The following PURG variants were observed in gnomAD, a reference collection of about 807,000 sequenced individuals.
The protein encoded by PURG is purine rich element binding protein G.
PURG carries 3 observed loss-of-function variants against 24.3 expected under a neutral mutation model. That is an observed-to-expected ratio of 0.12 (90% CI 0.06 to 0.32). PURG has a LOEUF of 0.32. Among genes scored for constraint, PURG ranks in the 10% least tolerant of loss-of-function variants. The pLI is 1.00. For synonymous variants in PURG, 180 were observed against 173.1 expected (o/e 1.04, Z -0.31); for missense variants, 371 against 439.1 (o/e 0.84, Z 1.39).
chr8:30,998,648 T>G (rs1281415953), intron 1 of PURG, among the ~76,000 whole-genome samples: 1 of 151,832 alleles, frequency 6.6e-6, no homozygotes, highest in Non-Finnish European at 1.5e-5. Context: ...GAATTCATTT[T>G]GTGGGGAAAG....
In PURG at chr8:31,031,129, A is replaced by T. The variant is rs1811191397; in HGVS notation, c.*610T>A. 1 of 152,616 alleles carries T rather than the reference A, an allele frequency of 6.6e-6. No individual in the cohort carries two copies. Among genetic ancestry groups the T allele is most frequent in the African/African-American group, 2.4e-5 (1 of 41,450 alleles). The allele number at this position is 152,616 out of a possible 1,614,324, so 9.5% of individuals were successfully genotyped here. A position where few individuals can be genotyped will look rare whatever the true frequency, so the allele number is the denominator to read the frequency against. The stretch of plus-strand genomic sequence containing the variant: ...AATGTAGGGTTACCACAAAGTTTGA[A>T]ATTATAGAATACTATAGTATTCTTA... On this transcript the variant is annotated 3_prime_UTR_variant, in exon 2 of 2. Transcript: ENST00000523392.
In PURG at chr8:31,017,247, G is replaced by A. The variant is rs567915335; in HGVS notation, c.864+14672C>T. On this transcript the variant is annotated intron_variant, in intron 1 of 1. Transcript: ENST00000339382. ...CAGCCAATCAATTGCAAATACAAGC[G>A]AGATGAAACCCATTTACCACTACTT... Among the ~76,000 whole-genome samples, 14 of 152,148 alleles carry A rather than the reference G, an allele frequency of 9.2e-5. No homozygotes were observed. The South Asian group carries it at 2.5e-3, about 27-fold the overall frequency.
At chr8:30,996,283 C>A (rs765537490) in exon 2 of PURG, 8 of 181,940 alleles carry the variant, frequency 4.4e-5, no homozygotes, top group Non-Finnish European at 9.2e-5. Flanking sequence ...GTTACATGAT[C>A]TCTTAAGAAA....
chr8:31,026,006 T>A (rs1396317859), downstream of PURG, among the ~76,000 whole-genome samples: 1 of 151,894 alleles, frequency 6.6e-6, no homozygotes. Flanking sequence ...ACCTATTTGC[T>A]TAAACTTGGA....
intron 1 of PURG, among the ~76,000 whole-genome samples, chr8:31,014,708 C>T (rs759859045): frequency 4.6e-5 from 7 of 152,152 alleles, no homozygotes; most frequent in East Asian, 3.8e-4. Context: ...CTACTACTTA[C>T]GTTATAAAGT....
At chr8:31,018,118 TTTAA>T (rs1230081029) in intron 1 of PURG, among the ~76,000 whole-genome samples, 5 of 152,246 alleles carry the variant, frequency 3.3e-5, no homozygotes, top group East Asian at 1.9e-4. Flanking sequence ...TAACTAGTCA[TTTAA>T]TTAATAAAGT....
intron 1 of PURG, among the ~76,000 whole-genome samples, chr8:31,017,610 C>T (rs1166260624): frequency 6.6e-6 from 1 of 152,026 alleles, no homozygotes; most frequent in Non-Finnish European, 1.5e-5. Flanking sequence ...TACAGTATCA[C>T]AAGAAAGCAC....
intron 1 of PURG, among the ~76,000 whole-genome samples, chr8:31,007,650 C>A (rs1810679499): frequency 6.6e-6 from 1 of 152,042 alleles, no homozygotes; most frequent in Non-Finnish European, 1.5e-5. Context: ...AAATATTTTT[C>A]CTATCTCTTG....
intron 1 of PURG, among the ~76,000 whole-genome samples, chr8:31,020,765 G>A (rs1016978356): frequency 6.6e-6 from 1 of 152,146 alleles, no homozygotes; most frequent in Non-Finnish European, 1.5e-5. Context: ...TGTTTTGACC[G>A]AGTTTTTCCA....
chr8:31,032,230 G>C lies in PURG; in HGVS notation c.553C>G (p.Leu185Val). 6.2e-7 allele frequency: 1 copy of C among 1,614,194 alleles called. No individual in the cohort carries two copies. Among genetic ancestry groups the C allele is most frequent in the Non-Finnish European group, 8.5e-7 (1 of 1,180,016 alleles). ...YIERDNRKYY[L>V]DLKENQRGRF... ...CCCCGCTGATTTTCCTTTAGGTCTA[G>C]GTAATATTTCCTATTGTCCCTCTCG... Residue 185 changes from leucine to valine, a missense_variant, in exon 2 of 2, where the codon CTA becomes GTA. Leu to Val is a conservative substitution (Grantham distance 32). Transcript: ENST00000523392. This position sits in a 1 kb window ranked among gnomAD's most constrained non-coding sequence, Gnocchi z 5.9.
chr8:31,000,846 A>C (rs1810523976), intron 1 of PURG, among the ~76,000 whole-genome samples: 1 of 152,164 alleles, frequency 6.6e-6, no homozygotes, highest in Non-Finnish European at 1.5e-5. Flanking sequence ...AGAATTAACA[A>C]ACTTTAAAAA....
At chr8:31,026,519 T>C (rs1220160335), downstream of PURG, among the ~76,000 whole-genome samples, 1 of 151,060 alleles carries the variant, frequency 6.6e-6, no homozygotes, top group Non-Finnish European at 1.5e-5. Flanking sequence ...ATATGTTAAC[T>C]AGCTCAAGTA....
intron 1 of PURG, among the ~76,000 whole-genome samples, chr8:31,013,197 A>C (rs1810796370): frequency 6.6e-6 from 1 of 152,236 alleles, no homozygotes; most frequent in African/African-American, 2.4e-5. Flanking sequence ...TGAAAAAGTG[A>C]GTCAAACAAT....
intron 1 of PURG, among the ~76,000 whole-genome samples, chr8:31,018,411 C>T (rs1304893864): frequency 6.6e-6 from 1 of 152,132 alleles, no homozygotes; most frequent in Non-Finnish European, 1.5e-5. Flanking sequence ...TCAGTGCGTG[C>T]CTAAATAATT....
chr8:31,006,569 C>T (rs1404409949), intron 1 of PURG, among the ~76,000 whole-genome samples: 1 of 152,082 alleles, frequency 6.6e-6, no homozygotes, highest in Non-Finnish European at 1.5e-5. Context: ...AGAAGTCAGA[C>T]AATTATTTCT....
intron 1 of PURG, among the ~76,000 whole-genome samples, chr8:31,012,688 A>C (rs984741930): frequency 6.6e-6 from 1 of 152,248 alleles, no homozygotes; most frequent in African/African-American, 2.4e-5. Flanking sequence ...CAATTTATGG[A>C]TAAGCAAGCT....
intron 1 of PURG, among the ~76,000 whole-genome samples, chr8:31,018,371 A>G (rs1025182952): frequency 6.6e-6 from 1 of 152,294 alleles, no homozygotes; most frequent in Non-Finnish European, 1.5e-5. Context: ...ACCTTTTCTG[A>G]TTTATTAATT....
At chr8:31,030,063 T>C (rs955289060), downstream of PURG, among the ~76,000 whole-genome samples, 1 of 152,110 alleles carries the variant, frequency 6.6e-6, no homozygotes, top group African/African-American at 2.4e-5. Context: ...TTGCTTGTTC[T>C]TAAGTAACAT....
intron 1 of PURG, among the ~76,000 whole-genome samples, chr8:31,010,882 A>C (rs1306765814): frequency 6.6e-6 from 1 of 152,238 alleles, no homozygotes; most frequent in Non-Finnish European, 1.5e-5. Flanking sequence ...TTGAATTAGA[A>C]AATATTTCAT....
Sources: gnomAD v4.1 joint callset for allele counts (sites outside exome capture counted in the v4.1 genomes callset) on GRCh38, gnomAD v4.1.1 for gene constraint, Gnocchi (gnomAD v3.1) non-coding constraint, MANE v1.5 for transcripts, NCBI Gene and HGNC (gene_info 2026-07-23, HGNC 2026-07-21) for gene names.